Variants in SLC4A10 observed in about 807,000 individuals in gnomAD.
SLC4A10 encodes sodium-driven chloride bicarbonate exchanger.
A neutral mutation model predicts 137.7 loss-of-function variants in SLC4A10; 42 were observed. The ratio of observed to expected loss-of-function variants is 0.30; its 90% CI spans 0.24 to 0.39. The LOEUF (loss-of-function observed/expected upper bound fraction) is 0.39. Ranked by LOEUF, SLC4A10 falls within the 10% of genes least tolerant of loss-of-function variation. The probability of loss-of-function intolerance (pLI) is 1.00; values close to 1 mark genes in which losing one functional copy is unlikely to be tolerated. For synonymous variants in SLC4A10, 474 were observed against 464.1 expected, an observed-to-expected ratio of 1.02 and a Z score of -0.27; for missense variants, 925 against 1,355.0, an observed-to-expected ratio of 0.68 and a Z score of 4.98.
intron 1 of SLC4A10, among the ~76,000 whole-genome samples, chr2:161,695,689 A>G (rs1238282142): frequency 6.6e-6 from 1 of 152,168 alleles, no homozygotes; most frequent in African/African-American, 2.4e-5. Flanking sequence ...GCTATTTTAT[A>G]GAATATCTTC....
chr2:161,651,256 G>T (rs932702776), intron 1 of SLC4A10: 1 of 152,192 alleles, frequency 6.6e-6, no homozygotes, highest in Admixed American at 6.6e-5. Context: ...GCTGAGAGCT[G>T]GACACTCATC....
chr2:161,728,806 A>C (rs971259124), intron 1 of SLC4A10, among the ~76,000 whole-genome samples: 1 of 152,204 alleles, frequency 6.6e-6, no homozygotes, highest in Non-Finnish European at 1.5e-5. Flanking sequence ...GATATCTTCA[A>C]CAAAACATTA....
chr2:161,729,374 C>CA (rs2046587385), intron 1 of SLC4A10, among the ~76,000 whole-genome samples: 1 of 152,032 alleles, frequency 6.6e-6, no homozygotes, highest in Admixed American at 6.6e-5. Flanking sequence ...ACACAGATAT[C>CA]AACATACAAA....
intron 1 of SLC4A10, among the ~76,000 whole-genome samples, chr2:161,652,789 C>CTTT (rs10716126): frequency 2.1e-5 from 3 of 143,202 alleles, no homozygotes; most frequent in African/African-American, 7.7e-5. Flanking sequence ...ACCGTTTATT[C>CTTT]TTTTTTTTTT....
intron 23 of SLC4A10, among the ~76,000 whole-genome samples, chr2:161,974,027 G>A (rs993279157): frequency 2.6e-5 from 4 of 152,242 alleles, no homozygotes; most frequent in Admixed American, 2.6e-4. Flanking sequence ...GGAGATTGTT[G>A]TTAGCATTTA....
chr2:161,892,347 A>C (rs2063007398), intron 10 of SLC4A10, among the ~76,000 whole-genome samples: 1 of 151,672 alleles, frequency 6.6e-6, no homozygotes, highest in Non-Finnish European at 1.5e-5. Context: ...TAAGTATTCC[A>C]GTTAGGTCTC....
At chr2:161,947,426 A>T (rs957259558) in intron 16 of SLC4A10, 140 bp from the exon 17 acceptor site, 3 of 815,638 alleles carry the variant, frequency 3.7e-6, no homozygotes, top group Non-Finnish European at 1.8e-6. Context: ...TCGTAATGTA[A>T]TGCCTGCTAA....
At chr2:161,698,958 G>A (rs903666852) in intron 1 of SLC4A10, among the ~76,000 whole-genome samples, 6 of 152,094 alleles carry the variant, frequency 3.9e-5, no homozygotes, top group East Asian at 1.9e-4. Context: ...TTGGTTGGTA[G>A]GCTATTAATT....
chr2:161,657,389 C>T (rs963184639), intron 1 of SLC4A10, among the ~76,000 whole-genome samples: 2 of 151,784 alleles, frequency 1.3e-5, no homozygotes, highest in Non-Finnish European at 2.9e-5. Context: ...ATGTAAAATT[C>T]GTAAAATTAA....
At chr2:161,740,659 A>G (rs2047789655) in intron 1 of SLC4A10, among the ~76,000 whole-genome samples, 1 of 152,052 alleles carries the variant, frequency 6.6e-6, no homozygotes, top group African/African-American at 2.4e-5. Context: ...TGGCACAGAG[A>G]ATTTCTTCAT....
At chr2:161,810,883 T>C (rs886158780) in intron 3 of SLC4A10, among the ~76,000 whole-genome samples, 1 of 151,906 alleles carries the variant, frequency 6.6e-6, no homozygotes, top group Non-Finnish European at 1.5e-5. Context: ...TTGTATAATA[T>C]GTTAGTGAGA....
intron 10 of SLC4A10, among the ~76,000 whole-genome samples, chr2:161,888,019 A>C (rs2062497681): frequency 6.6e-6 from 1 of 152,214 alleles, no homozygotes. Context: ...TGTTTTCTGC[A>C]TATGGCTAGC....
rs188039551 is a variant in SLC4A10 at position 161,867,790 on chromosome 2, A to C, written c.767-4503A>C. Among the ~76,000 whole-genome samples, 7 of 152,110 alleles carry C rather than the reference A, an allele frequency of 4.6e-5. No homozygotes were observed. The East Asian group carries it at 1.3e-3, about 29-fold the overall frequency. On this transcript the variant is annotated intron_variant, in intron 6 of 26. Transcript: ENST00000446997. Reference sequence around the variant, plus strand: ...CTTCATGTTTTCTATTCCCATGAATAAATGTATTGTTACACATGTATGTAA... The same window carrying C: ...CTTCATGTTTTCTATTCCCATGAATCAATGTATTGTTACACATGTATGTAA...
intron 6 of SLC4A10, among the ~76,000 whole-genome samples, chr2:161,866,330 T>G (rs2060746501): frequency 6.6e-6 from 1 of 152,010 alleles, no homozygotes; most frequent in Non-Finnish European, 1.5e-5. Context: ...TACCATTCTT[T>G]GTCCATTCCT....
intron 1 of SLC4A10, among the ~76,000 whole-genome samples, chr2:161,684,045 C>T (rs1169766718): frequency 1.3e-5 from 2 of 152,042 alleles, no homozygotes; most frequent in East Asian, 3.8e-4. Context: ...CTCCCATTCC[C>T]TTCTTCCCTC....
At chr2:161,957,967 C>G (rs985534390) in intron 20 of SLC4A10, among the ~76,000 whole-genome samples, 9 of 152,030 alleles carry the variant, frequency 5.9e-5, no homozygotes, top group Non-Finnish European at 1.2e-4. Context: ...GAATTAATCT[C>G]TGTTATATAA....
intron 25 of SLC4A10, chr2:161,977,300 G>A: frequency 2.2e-6 from 1 of 448,044 alleles, no homozygotes; most frequent in African/African-American, 2.0e-5. Context: ...ATTTAGTATA[G>A]TTCTAGTCCT....
At position 161,848,826 on chromosome 2, in the gene SLC4A10, C is replaced by T. The variant is rs2125830032; in HGVS notation, c.417-6144C>T. 1.3e-5 allele frequency among the ~76,000 whole-genome samples: 2 copies of T among 152,230 alleles called. 1 individual carries two copies. Among genetic ancestry groups the T allele is most frequent in the South Asian group, 4.1e-4 (2 of 4,828 alleles). ...AAGTCAGGTAGTGTGATGCCTCCAG[C>T]TTCATTCTTTTTGTTCAGGATCACT... On this transcript the variant is annotated intron_variant, in intron 4 of 26. Coordinates refer to ENST00000446997, the MANE Select transcript of SLC4A10 (RefSeq NM_001178015.2).
intron 6 of SLC4A10, among the ~76,000 whole-genome samples, chr2:161,864,201 CAA>C: frequency 7.3e-6 from 1 of 137,858 alleles, no homozygotes; most frequent in African/African-American, 2.7e-5. Flanking sequence ...GACTCTGTCT[CAA>C]AAAAAAAAAG....
Sources: allele counts gnomAD v4.1 joint callset (sites outside exome capture counted in the v4.1 genomes callset), GRCh38; gene constraint gnomAD v4.1.1; transcripts MANE v1.5; gene names NCBI Gene and HGNC (gene_info 2026-07-23, HGNC 2026-07-21).